TUBD1: variants seen among roughly 807,000 people sequenced by gnomAD.
The protein encoded by TUBD1 is tubulin delta 1.
TUBD1 carries 38 observed loss-of-function variants against 51.2 expected under a neutral mutation model. The ratio of observed to expected loss-of-function variants is 0.74; its 90% confidence interval spans 0.57 to 0.97. The LOEUF (loss-of-function observed/expected upper bound fraction) is 0.97, where lower values mean the gene tolerates loss of function less well. TUBD1 is among the 50% of genes least tolerant of loss of function. TUBD1 has a pLI of 0.00. For synonymous variants in TUBD1, 169 were observed against 178.2 expected, an observed-to-expected ratio of 0.95 and a Z score of 0.41; for missense variants, 489 against 538.4, an observed-to-expected ratio of 0.91 and a Z score of 0.91.
chr17:59,868,055 G>A (rs901045522), intron 6 of TUBD1, among the ~76,000 whole-genome samples: 7 of 139,392 alleles, frequency 5.0e-5, no homozygotes, highest in African/African-American at 8.4e-5. Context: ...TTGAGGTGAG[G>A]AGTTTGAGAC....
In TUBD1 at chr17:59,874,175, C is replaced by G. The variant is rs189510628; in HGVS notation, c.934+364G>C. On this transcript the variant is annotated intron_variant, in intron 6 of 8. Transcript: ENST00000325752. The stretch of plus-strand genomic sequence containing the variant: ...CTGCACTCCAGCCTGGGCGACAGAG[C>G]AAGACTCAGTCTCAAAAAAAAAAAA... Among the ~76,000 whole-genome samples the G allele has an allele frequency of 5.2e-4, 52 of 99,430 alleles. 1 individual carries two copies. The East Asian group carries it at 9.9e-3, about 19-fold the overall frequency. 65.2% of individuals were successfully genotyped at this position (99,430 alleles called of 152,430 possible).
intron 2 of TUBD1, among the ~76,000 whole-genome samples, chr17:59,887,047 G>A (rs1383297183): frequency 3.3e-5 from 5 of 152,020 alleles, no homozygotes; most frequent in East Asian, 1.9e-4. Context: ...TTAGCTGGGC[G>A]TGGTGGCAGG....
chr17:59,870,098 T>G (rs150294266), intron 6 of TUBD1, among the ~76,000 whole-genome samples: 1 of 152,024 alleles, frequency 6.6e-6, no homozygotes, highest in Non-Finnish European at 1.5e-5. Flanking sequence ...CGGTGGCTTA[T>G]ATCTGTAATC....
At chr17:59,871,033 G>C (rs566905977) in intron 6 of TUBD1, among the ~76,000 whole-genome samples, 83 of 152,270 alleles carry the variant, frequency 5.5e-4, no homozygotes, top group African/African-American at 1.9e-3. Flanking sequence ...AACAAAATAG[G>C]ATTGGGAATC....
chr17:59,873,392 G>C (rs1398588403), intron 6 of TUBD1, among the ~76,000 whole-genome samples: 7 of 151,894 alleles, frequency 4.6e-5, no homozygotes, highest in Non-Finnish European at 1.0e-4. Flanking sequence ...TGGGAATACA[G>C]GCCCATGTCA....
chr17:59,889,687 A>G (rs2040905075), intron 2 of TUBD1, among the ~76,000 whole-genome samples: 1 of 148,728 alleles, frequency 6.7e-6, no homozygotes, highest in Non-Finnish European at 1.5e-5. Context: ...AAAAAAAAAA[A>G]GAAAAAGAAA....
In TUBD1 at chr17:59,878,105, A is replaced by C; in HGVS notation, c.767T>G (p.Leu256Arg). ...TTAACGTATAGAGGGACAAATACCT[A>C]GTGGATTTCGTCTGTAGTGAAATGA... ...ESSFHYRRNPLGDLMEHLVPH... is the reference protein window; with the variant it reads ...ESSFHYRRNPRGDLMEHLVPH... Residue 256 changes from leucine to arginine, a missense_variant and splice_region_variant, in exon 5 of 9, where the codon CTA becomes CGA. Leu to Arg is a moderately radical substitution (Grantham distance 102, BLOSUM62 -2). Coordinates refer to ENST00000325752, the MANE Select transcript of TUBD1 (RefSeq NM_016261.4). 6.2e-7 allele frequency: 1 copy of C among 1,611,878 alleles called. No individual in the cohort carries two copies.
At chr17:59,878,038 G>C in intron 5 of TUBD1, 65 bp downstream of exon 5, 2 of 1,319,706 alleles carry the variant, frequency 1.5e-6, no homozygotes, top group Non-Finnish European at 2.1e-6. Flanking sequence ...GAGACAGAAA[G>C]AATAAACTTT....
chr17:59,864,343 A>G (rs1460133980), intron 7 of TUBD1, among the ~76,000 whole-genome samples: 2 of 150,568 alleles, frequency 1.3e-5, no homozygotes, highest in African/African-American at 4.9e-5. Flanking sequence ...ATGGGGTTTC[A>G]CCATGTTGGC....
rs181249456 is a variant in TUBD1 at position 59,877,735 on chromosome 17, A to T, written c.769+368T>A. Among the ~76,000 whole-genome samples, 4 of 151,186 alleles carry T rather than the reference A, an allele frequency of 2.6e-5. No individual in the cohort carries two copies. In the East Asian group the frequency reaches 7.8e-4, roughly 29 times the overall value. On this transcript the variant is annotated intron_variant, in intron 5 of 8. Coordinates refer to ENST00000325752, the MANE Select transcript of TUBD1 (RefSeq NM_016261.4). Reference sequence around the variant, plus strand: ...AGAGGTTGCAGTGAGTCAAGATCGTACCACTGCACTCCAGCCTGGGCAACA... The same window carrying T: ...AGAGGTTGCAGTGAGTCAAGATCGTTCCACTGCACTCCAGCCTGGGCAACA...
intron 8 of TUBD1, among the ~76,000 whole-genome samples, chr17:59,861,860 G>A (rs1278326794): frequency 6.6e-6 from 1 of 151,266 alleles, no homozygotes; most frequent in Non-Finnish European, 1.5e-5. Flanking sequence ...TAGAGACGGG[G>A]TTTCACCATG....
At chr17:59,890,690 T>G in intron 2 of TUBD1, 141 bp downstream of exon 2, 1 of 704,748 alleles carries the variant, frequency 1.4e-6, no homozygotes, top group Admixed American at 3.0e-5. Context: ...GCAAAGATTA[T>G]TAACATAGAA....
chr17:59,874,585 G>C lies in TUBD1; in HGVS notation c.888C>G (p.Leu296=). Residue 296 remains leucine, a synonymous_variant, in exon 6 of 9, where the codon CTC becomes CTG. Coordinates refer to ENST00000325752, the MANE Select transcript of TUBD1 (RefSeq NM_016261.4). ...AYTTFTWAGL[L]KHLRQMLISN... is the part of the protein sequence containing the mutation. ...AAATGAGCATCTGTCTCAAATGCTT[G>C]AGGAGGCCAGCCCAAGTAAATGTGG... is the stretch of plus-strand genomic sequence containing the variant. 3.7e-6 allele frequency: 6 copies of C among 1,613,356 alleles called. No individual in the cohort carries two copies. Among genetic ancestry groups the C allele is most frequent in the Non-Finnish European group, 5.1e-6 (6 of 1,179,898 alleles).
intron 2 of TUBD1, among the ~76,000 whole-genome samples, chr17:59,888,090 A>C (rs1322909342): frequency 6.6e-6 from 1 of 151,980 alleles, no homozygotes; most frequent in African/African-American, 2.4e-5. Context: ...ACCCGCCACC[A>C]CGCCTGGCTA....
chr17:59,866,958 A>G (rs1438090915), intron 6 of TUBD1, among the ~76,000 whole-genome samples: 3 of 151,880 alleles, frequency 2.0e-5, no homozygotes, highest in Admixed American at 6.6e-5. Context: ...ACGCCCAGCT[A>G]ATTTTTTTGT....
chr17:59,880,731 G>A (rs1469034879), intron 4 of TUBD1, among the ~76,000 whole-genome samples, 163 bp downstream of exon 4: 1 of 151,794 alleles, frequency 6.6e-6, no homozygotes, highest in Non-Finnish European at 1.5e-5. Context: ...AGCCGGGATG[G>A]TCTCGATATC....
chr17:59,888,084 G>A (rs1198060576), intron 2 of TUBD1, among the ~76,000 whole-genome samples: 1 of 151,938 alleles, frequency 6.6e-6, no homozygotes, highest in Non-Finnish European at 1.5e-5. Flanking sequence ...ACAGGCACCC[G>A]CCACCACGCC....
Position 59,878,255 on chromosome 17 carries a change from T to C in TUBD1, c.617A>G (p.Asn206Ser). The C allele has an allele frequency of 4.3e-6, 7 of 1,614,112 alleles. No individual in the cohort carries two copies. The highest frequency in any genetic ancestry group is 5.9e-6 in the Non-Finnish European group (7 of 1,180,030). ...RSSDALLLHE[N>S]DAIHKICAKL... is the part of the protein sequence containing the mutation. Reference sequence around the variant, plus strand: ...TGCACAGATCTTATGGATGGCATCATTCTCATGAAGAAGGAGGGCGTCTGA... The same window carrying C: ...TGCACAGATCTTATGGATGGCATCACTCTCATGAAGAAGGAGGGCGTCTGA... Residue 206 changes from asparagine (N) to serine (S), a missense_variant, in exon 5 of 9, where the codon AAT (asparagine) becomes AGT (serine). By Grantham distance (46) the Asn-to-Ser change is conservative. Coordinates refer to ENST00000325752, the MANE Select transcript of TUBD1 (RefSeq NM_016261.4).
intron 4 of TUBD1, among the ~76,000 whole-genome samples, 158 bp downstream of exon 4, chr17:59,880,736 G>A (rs1041799739): frequency 4.0e-5 from 6 of 151,758 alleles, no homozygotes; most frequent in East Asian, 1.9e-4. Flanking sequence ...GGATGGTCTC[G>A]ATATCCTGAC....
Sources: allele counts gnomAD v4.1 joint callset (sites outside exome capture counted in the v4.1 genomes callset), GRCh38; gene constraint gnomAD v4.1.1; transcripts MANE v1.5; gene names NCBI Gene and HGNC (gene_info 2026-07-23, HGNC 2026-07-21).